Variants in ACSS3 observed in about 807,000 individuals in gnomAD.
The protein encoded by ACSS3 is acyl-CoA synthetase short chain family member 3, also known as acyl-CoA synthetase short-chain family member 3, mitochondrial.
Under a neutral mutation model 84.2 loss-of-function variants are expected in ACSS3, and 64 were observed. That is an observed-to-expected ratio of 0.76 (90% CI 0.62 to 0.94). The LOEUF (loss-of-function observed/expected upper bound fraction) is 0.94. Ranked by LOEUF, ACSS3 falls within the 40% of genes least tolerant of loss-of-function variation. The pLI is 0.00. For missense variants in ACSS3, 815 were observed against 867.6 expected, an observed-to-expected ratio of 0.94 and a Z score of 0.76; for synonymous variants, 317 against 310.1, an observed-to-expected ratio of 1.02 and a Z score of -0.23.
At chr12:81,211,444 T>A (rs545308730) in intron 9 of ACSS3, among the ~76,000 whole-genome samples, 2 of 152,336 alleles carry the variant, frequency 1.3e-5, no homozygotes, top group South Asian at 4.1e-4. Flanking sequence ...ATTTTATGCA[T>A]GCTCACACTT....
intron 13 of ACSS3, among the ~76,000 whole-genome samples, chr12:81,240,464 C>CAT (rs1565738943): frequency 1.3e-5 from 2 of 151,922 alleles, no homozygotes; most frequent in African/African-American, 4.8e-5. Flanking sequence ...TTTCAGAAAA[C>CAT]ATATAATTGA....
intron 13 of ACSS3, among the ~76,000 whole-genome samples, chr12:81,250,616 GT>G (rs754253983): frequency 1.3e-5 from 2 of 151,952 alleles, no homozygotes; most frequent in Non-Finnish European, 2.9e-5. Context: ...ATTAAATTTA[GT>G]TAAAACTCTA....
chr12:81,173,190 T>G (rs920854036), intron 7 of ACSS3, among the ~76,000 whole-genome samples: 1 of 152,178 alleles, frequency 6.6e-6, no homozygotes, highest in Non-Finnish European at 1.5e-5. Flanking sequence ...AGAATAAAGT[T>G]GTAGACTCAT....
intron 2 of ACSS3, among the ~76,000 whole-genome samples, chr12:81,116,650 G>C (rs548867303): frequency 6.6e-6 from 1 of 152,144 alleles, no homozygotes; most frequent in South Asian, 2.1e-4. Flanking sequence ...CTTCCTACCA[G>C]AGAAAAAGCT....
intron 2 of ACSS3, chr12:81,118,011 G>A (rs1187413964): frequency 1.3e-5 from 2 of 152,114 alleles, no homozygotes; most frequent in Non-Finnish European, 2.9e-5. Context: ...TCTTTTGTGA[G>A]CATTCTAAGA....
chr12:81,091,038 A>G (rs1881636103), intron 1 of ACSS3, among the ~76,000 whole-genome samples: 1 of 151,966 alleles, frequency 6.6e-6, no homozygotes, highest in Non-Finnish European at 1.5e-5. Flanking sequence ...TCAAATTTGT[A>G]TTTTTTAATT....
rs114449633 is a variant in ACSS3 at position 81,120,035 on chromosome 12, G to C, written c.456+10331G>C. ...CCTTGACTTCCCACAACACTTCACT[G>C]TGGAGGTGATGTAGAAGCTGGGTCA... On this transcript the variant is annotated intron_variant, in intron 2 of 15. Coordinates refer to ENST00000548058, the MANE Select transcript of ACSS3 (RefSeq NM_024560.4). Among the ~76,000 whole-genome samples the C allele has an allele frequency of 4.2e-3, 633 of 152,170 alleles. 7 individuals carry two copies. Among genetic ancestry groups the C allele is most frequent in the African/African-American group, 0.015 (616 of 41,540 alleles).
At chr12:81,189,872 T>C (rs1378684246) in intron 8 of ACSS3, among the ~76,000 whole-genome samples, 1 of 152,154 alleles carries the variant, frequency 6.6e-6, no homozygotes, top group African/African-American at 2.4e-5. Context: ...AGTAAGGCGC[T>C]GAGTTTTATT....
Position 81,255,155 on chromosome 12 carries a change from G to T in ACSS3, c.*233G>T. ...TTATCTATAACATGGCTTATTGAATGTCATCTACTGCTTTAGGAAAAACGT... is the reference window on the plus strand; with the variant it reads ...TTATCTATAACATGGCTTATTGAATTTCATCTACTGCTTTAGGAAAAACGT... On this transcript the variant is annotated 3_prime_UTR_variant, in exon 16 of 16. Coordinates refer to ENST00000548058, the MANE Select transcript of ACSS3 (RefSeq NM_024560.4). The T allele has an allele frequency of 2.8e-6, 1 of 358,620 alleles. No homozygotes were observed. The allele number at this position is 358,620 out of a possible 1,614,324, so 22.2% of individuals were successfully genotyped here.
At chr12:81,130,665 T>A (rs1885433315) in intron 2 of ACSS3, among the ~76,000 whole-genome samples, 1 of 152,080 alleles carries the variant, frequency 6.6e-6, no homozygotes, top group Non-Finnish European at 1.5e-5. Context: ...GCTTTTGTTG[T>A]CATTGCTTTT....
intron 2 of ACSS3, among the ~76,000 whole-genome samples, chr12:81,114,038 T>C (rs1883828551): frequency 6.6e-6 from 1 of 152,104 alleles, no homozygotes; most frequent in African/African-American, 2.4e-5. Context: ...TAATTTTATG[T>C]TGAATTTACT....
intron 9 of ACSS3, among the ~76,000 whole-genome samples, chr12:81,206,379 T>C (rs891080526): frequency 1.3e-5 from 2 of 152,134 alleles, no homozygotes; most frequent in African/African-American, 4.8e-5. Flanking sequence ...CCTAGGCTAC[T>C]TTCAAATAGT....
Position 81,145,160 on chromosome 12 carries a change from C to T in ACSS3, c.921+1913C>T, listed in dbSNP as rs544880092. 8.6e-5 allele frequency among the ~76,000 whole-genome samples: 13 copies of T among 150,922 alleles called. 1 individual carries two copies. Among genetic ancestry groups the T allele is most frequent in the African/African-American group, 3.2e-4 (13 of 41,072 alleles). On this transcript the variant is annotated intron_variant, in intron 5 of 15. Transcript: ENST00000548058. ...CCTAATCTCCTGACCTCGTGATCCA[C>T]CCGCCTCGGCCTCCCAAAGTGCTGG...
chr12:81,208,334 G>A (rs569211910), intron 9 of ACSS3, among the ~76,000 whole-genome samples: 31 of 152,228 alleles, frequency 2.0e-4, no homozygotes, highest in African/African-American at 6.7e-4. Context: ...CAGATGCAGC[G>A]GGAGCTCTGA....
intron 11 of ACSS3, among the ~76,000 whole-genome samples, chr12:81,226,990 C>CACAT (rs1491243746): frequency 6.3e-5 from 7 of 111,698 alleles, no homozygotes; most frequent in East Asian, 2.5e-4. Context: ...CACACACACA[C>CACAT]ATATATATAT....
intron 8 of ACSS3, among the ~76,000 whole-genome samples, chr12:81,178,955 C>T (rs574823281): frequency 6.6e-6 from 1 of 152,078 alleles, no homozygotes; most frequent in South Asian, 2.1e-4. Flanking sequence ...GACACATAGA[C>T]CAGAGGAACA....
At chr12:81,118,746 G>A (rs1285860421) in intron 2 of ACSS3, among the ~76,000 whole-genome samples, 1 of 152,110 alleles carries the variant, frequency 6.6e-6, no homozygotes, top group African/African-American at 2.4e-5. Flanking sequence ...CTTCAGTGAG[G>A]TATTCCTCAG....
intron 8 of ACSS3, among the ~76,000 whole-genome samples, chr12:81,192,323 T>A (rs1189837509): frequency 6.6e-6 from 1 of 152,074 alleles, no homozygotes; most frequent in African/African-American, 2.4e-5. Context: ...AAGGTTATAG[T>A]AAGCCGAGAC....
At position 81,211,911 on chromosome 12, in the gene ACSS3, G is replaced by T. The variant is rs182962366; in HGVS notation, c.1355-4990G>T. On this transcript the variant is annotated intron_variant, in intron 9 of 15. Coordinates refer to ENST00000548058, the MANE Select transcript of ACSS3 (RefSeq NM_024560.4). Reference sequence around the variant, plus strand: ...TTGTTAATTCTGTGATTCTATTTCAGTCACATTGGCTGCCTCACTGTTCTC... The same window carrying T: ...TTGTTAATTCTGTGATTCTATTTCATTCACATTGGCTGCCTCACTGTTCTC... Among the ~76,000 whole-genome samples, 53 of 152,182 alleles carry T rather than the reference G, an allele frequency of 3.5e-4. 1 individual carries two copies. Among genetic ancestry groups the T allele is most frequent in the Admixed American group, 3.5e-3 (53 of 15,280 alleles).
Sources: gnomAD v4.1 joint callset for allele counts (sites outside exome capture counted in the v4.1 genomes callset) on GRCh38, gnomAD v4.1.1 for gene constraint, MANE v1.5 for transcripts, NCBI Gene and HGNC (gene_info 2026-07-23, HGNC 2026-07-21) for gene names.